Variants in SPATS1 observed in about 807,000 individuals in gnomAD.
SPATS1 encodes spermatogenesis associated serine rich 1, also known as spermatogenesis-associated serine-rich protein 1.
SPATS1 carries 23 observed loss-of-function variants against 33.6 expected under a neutral mutation model. That is an observed-to-expected ratio of 0.68 (90% confidence interval 0.49 to 0.97). The LOEUF (loss-of-function observed/expected upper bound fraction) is 0.97, where lower values mean the gene tolerates loss of function less well. Among genes scored for constraint, SPATS1 ranks in the 50% least tolerant of loss-of-function variants. The pLI is 0.00. For missense variants in SPATS1, 327 were observed against 361.0 expected (o/e 0.91, Z 0.76); for synonymous variants, 131 against 125.6 (o/e 1.04, Z -0.29).
intron 5 of SPATS1, among the ~76,000 whole-genome samples, chr6:44,366,605 C>A (rs1789264641): frequency 6.6e-6 from 1 of 152,108 alleles, no homozygotes; most frequent in Non-Finnish European, 1.5e-5. Context: ...ATTTTGGAAC[C>A]ACTGTTCTAT....
At chr6:44,352,642 AAATT>A (rs1231961471) in intron 2 of SPATS1, 80 bp from the exon 3 acceptor site, 1 of 1,322,722 alleles carries the variant, frequency 7.6e-7, no homozygotes, top group African/African-American at 1.5e-5. Flanking sequence ...GCTGTTTTAA[AAATT>A]TATTTATAAT....
chr6:44,347,960 C>G (rs1400724078), intron 2 of SPATS1, among the ~76,000 whole-genome samples: 1 of 151,486 alleles, frequency 6.6e-6, no homozygotes, highest in Non-Finnish European at 1.5e-5. Flanking sequence ...AAATTTATCT[C>G]TATTTTATTT....
intron 7 of SPATS1, among the ~76,000 whole-genome samples, chr6:44,372,292 A>G (rs1235192442): frequency 6.7e-6 from 1 of 150,342 alleles, no homozygotes; most frequent in Non-Finnish European, 1.5e-5. Flanking sequence ...TAATTCTATT[A>G]TTTGTGTCAT....
intron 7 of SPATS1, among the ~76,000 whole-genome samples, chr6:44,375,908 C>A (rs1368638526): frequency 2.6e-5 from 4 of 151,890 alleles, no homozygotes; most frequent in Non-Finnish European, 5.9e-5. Context: ...AAATTCGATA[C>A]CAGCTTGACC....
chr6:44,359,782 C>A (rs1214578641), intron 3 of SPATS1, among the ~76,000 whole-genome samples: 12 of 152,110 alleles, frequency 7.9e-5, no homozygotes, highest in Admixed American at 7.9e-4. Flanking sequence ...GTTGCCCAGG[C>A]TGGTCTTGAA....
chr6:44,351,141 AAAAG>A (rs1788216397), intron 2 of SPATS1, among the ~76,000 whole-genome samples: 4 of 147,964 alleles, frequency 2.7e-5, no homozygotes, highest in Admixed American at 2.1e-4. Context: ...AAAAAAAAAA[AAAAG>A]AAAAAAGAAA....
chr6:44,369,212 T>C (rs1789443982), intron 6 of SPATS1, among the ~76,000 whole-genome samples: 1 of 152,060 alleles, frequency 6.6e-6, no homozygotes, highest in South Asian at 2.1e-4. Flanking sequence ...AAATTAACCA[T>C]GTGGGATATA....
intron 4 of SPATS1, 128 bp downstream of exon 4, chr6:44,360,698 A>T (rs2153367612): frequency 1.7e-6 from 2 of 1,167,854 alleles, no homozygotes; most frequent in African/African-American, 3.1e-5. Context: ...CTCAAAATTC[A>T]CAAAACCTCT....
chr6:44,377,100 T>C lies in SPATS1; in HGVS notation c.*37T>C, dbSNP rs1207094555. On this transcript the variant is annotated 3_prime_UTR_variant, in exon 9 of 9. Transcript: ENST00000674044. ...CCCACAAAACATGTGCTGACTGCAC[T>C]CTGGCGACCCTTTTCCAGTTGATGT... The C allele has an allele frequency of 1.2e-6, 2 of 1,613,748 alleles. No individual in the cohort carries two copies. Among genetic ancestry groups the C allele is most frequent in the Non-Finnish European group, 1.7e-6 (2 of 1,179,588 alleles).
chr6:44,343,301 G>C, intron 2 of SPATS1, 67 bp downstream of exon 2: 7 of 1,560,926 alleles, frequency 4.5e-6, no homozygotes, highest in Non-Finnish European at 5.3e-6. Context: ...ACCCGGGGGC[G>C]GGGGCAGGTG....
At position 44,377,188 on chromosome 6, in the gene SPATS1, C is replaced by CT; in HGVS notation, c.*131dup. On this transcript the variant is annotated 3_prime_UTR_variant, in exon 9 of 9. Coordinates refer to ENST00000674044, the MANE Select transcript of SPATS1 (RefSeq NM_001372081.1). ...CCTTATGAGGAAGTGTTGTGCTTTG[C>CT]TTTTTTAAAACTTTATATTTTGAAA... is the stretch of plus-strand genomic sequence containing the variant. 1 of 1,251,320 alleles carries CT rather than the reference C, an allele frequency of 8.0e-7. No individual in the cohort carries two copies. The highest frequency in any genetic ancestry group is 1.1e-6 in the Non-Finnish European group (1 of 880,626). The allele number at this position is 1,251,320 out of a possible 1,614,324, so 77.5% of individuals were successfully genotyped here.
rs1228032419 is a variant in SPATS1 at position 44,361,708 on chromosome 6, T to TA, written c.413-122dup. 8.8e-6 allele frequency: 12 copies of TA among 1,356,042 alleles called. No individual in the cohort carries two copies. In the African/African-American group the frequency reaches 1.6e-4, roughly 18 times the overall value. 84.0% of individuals were successfully genotyped at this position (1,356,042 alleles called of 1,614,324 possible). ...TGTCTCTGATGTAGAACCAAGGGAT[T>TA]ATACACATTAATTAAAGTTATATAG... On this transcript the variant is annotated intron_variant, in intron 4 of 8. Transcript: ENST00000674044.
chr6:44,358,527 C>T (rs946005663), intron 3 of SPATS1, among the ~76,000 whole-genome samples: 1 of 152,066 alleles, frequency 6.6e-6, no homozygotes, highest in Non-Finnish European at 1.5e-5. Flanking sequence ...ATTAAACATG[C>T]TTTTTTTGGT....
At chr6:44,369,506 C>T (rs1460790374) in intron 6 of SPATS1, among the ~76,000 whole-genome samples, 1 of 151,616 alleles carries the variant, frequency 6.6e-6, no homozygotes, top group African/African-American at 2.4e-5. Context: ...GCCGAGATTG[C>T]AGCGCCACAC....
rs1159677775 is a variant in SPATS1 at position 44,349,262 on chromosome 6, G to T, written c.140-3464G>T. On this transcript the variant is annotated intron_variant, in intron 2 of 8. Transcript: ENST00000674044. The stretch of plus-strand genomic sequence containing the variant: ...TGCAGTGAGCCGAGATTATGCCATT[G>T]CACTCCAGCCTGGGCGACTCTGGCT... Among the ~76,000 whole-genome samples the T allele has an allele frequency of 3.1e-5, 4 of 127,250 alleles. No homozygotes were observed. The East Asian group carries it at 9.2e-4, about 29-fold the overall frequency. The allele number at this position is 127,250 out of a possible 152,430, so 83.5% of individuals were successfully genotyped here. A position where few individuals can be genotyped will look rare whatever the true frequency, so the allele number is the denominator to read the frequency against.
In SPATS1 at chr6:44,378,454, A is replaced by G. The variant is rs942119886; in HGVS notation, c.*1391A>G. 6.6e-6 allele frequency: 1 copy of G among 152,204 alleles called. No homozygotes were observed. The highest frequency in any genetic ancestry group is 2.4e-5 in the African/African-American group (1 of 41,452). The allele number at this position is 152,204 out of a possible 1,614,324, so 9.4% of individuals were successfully genotyped here. A position where few individuals can be genotyped will look rare whatever the true frequency, so the allele number is the denominator to read the frequency against. On this transcript the variant is annotated 3_prime_UTR_variant, in exon 9 of 9. Transcript: ENST00000674044. Reference sequence around the variant, plus strand: ...ATGTTTGTTGTCTCCAGTCACAGCCAAAGTGAATGAAGCAGGTTTAGAACA... The same window carrying G: ...ATGTTTGTTGTCTCCAGTCACAGCCGAAGTGAATGAAGCAGGTTTAGAACA...
intron 2 of SPATS1, among the ~76,000 whole-genome samples, chr6:44,345,985 G>C (rs1039613481): frequency 6.6e-6 from 1 of 152,076 alleles, no homozygotes; most frequent in Admixed American, 6.6e-5. Context: ...TTTAAATTCG[G>C]TTCTTCAATT....
At chr6:44,352,930 C>T in intron 3 of SPATS1, 57 bp downstream of exon 3, 1 of 1,575,464 alleles carries the variant, frequency 6.3e-7, no homozygotes, top group South Asian at 1.1e-5. Flanking sequence ...ACCAAGAAGC[C>T]AATAGTCTGA....
intron 7 of SPATS1, 61 bp downstream of exon 7, chr6:44,370,174 G>A: frequency 6.8e-7 from 1 of 1,463,836 alleles, no homozygotes; most frequent in Non-Finnish European, 9.5e-7. Context: ...TTATTTTATT[G>A]TTTCCTTATG....
Sources: gnomAD v4.1 joint callset for allele counts (sites outside exome capture counted in the v4.1 genomes callset) on GRCh38, gnomAD v4.1.1 for gene constraint, MANE v1.5 for transcripts, NCBI Gene and HGNC (gene_info 2026-07-23, HGNC 2026-07-21) for gene names.